The following SPATA6L variants were observed in gnomAD, a reference collection of about 807,000 sequenced individuals.
SPATA6L encodes spermatogenesis associated 6 like.
In SPATA6L, 68 loss-of-function variants were observed where a neutral mutation model predicts 49.2. The observed-to-expected ratio is 1.38, with a 90% CI of 1.14 to 1.69. The LOEUF is 1.69. SPATA6L is among the 40% of genes most tolerant of loss of function. The pLI is 0.00. For missense variants in SPATA6L, 668 were observed against 464.3 expected (o/e 1.44, Z -4.03); for synonymous variants, 198 against 165.7 (o/e 1.19, Z -1.50).
intron 3 of SPATA6L, among the ~76,000 whole-genome samples, chr9:4,647,506 T>C (rs1835683270): frequency 1.3e-5 from 2 of 152,062 alleles, no homozygotes; most frequent in Admixed American, 1.3e-4. Context: ...GCAGCAGAAT[T>C]GCTTGAACCT....
chr9:4,631,837 G>C (rs571742447), intron 4 of SPATA6L, among the ~76,000 whole-genome samples: 2 of 152,064 alleles, frequency 1.3e-5, no homozygotes, highest in Admixed American at 1.3e-4. Context: ...CCAGCACGAG[G>C]GTCCCTCTTC....
At chr9:4,612,206 C>G (rs970238986) in intron 9 of SPATA6L, among the ~76,000 whole-genome samples, 4 of 152,030 alleles carry the variant, frequency 2.6e-5, no homozygotes, top group Non-Finnish European at 4.4e-5. Context: ...AACTTTTGTA[C>G]TCAGTGATCC....
At chr9:4,597,678 A>C (rs1330203837), downstream of SPATA6L, among the ~76,000 whole-genome samples, 1 of 152,182 alleles carries the variant, frequency 6.6e-6, no homozygotes, top group African/African-American at 2.4e-5. Flanking sequence ...AAAGGAGCAA[A>C]GGGTTGGGGC....
At chr9:4,616,433 G>A (rs1828027082) in intron 9 of SPATA6L, among the ~76,000 whole-genome samples, 1 of 152,106 alleles carries the variant, frequency 6.6e-6, no homozygotes, top group East Asian at 1.9e-4. Flanking sequence ...TCCTCTACAA[G>A]TCTTTAAATC....
intron 3 of SPATA6L, among the ~76,000 whole-genome samples, chr9:4,652,062 G>T (rs1837009659): frequency 6.6e-6 from 1 of 152,166 alleles, no homozygotes; most frequent in Non-Finnish European, 1.5e-5. Context: ...TAAGGAATCA[G>T]CAAAAAACTA....
intron 3 of SPATA6L, among the ~76,000 whole-genome samples, chr9:4,641,068 G>A (rs1833927887): frequency 6.6e-6 from 1 of 152,126 alleles, no homozygotes; most frequent in African/African-American, 2.4e-5. Context: ...ATAGGTGTGT[G>A]TGTATATATG....
intron 8 of SPATA6L, 69 bp from the exon 9 acceptor site, chr9:4,618,179 G>T: frequency 4.3e-6 from 6 of 1,400,948 alleles, no homozygotes; most frequent in Non-Finnish European, 5.9e-6. Flanking sequence ...CTGGGGGTGG[G>T]GGTTGGACAA....
At chr9:4,606,179 A>G (rs1313752352) in intron 9 of SPATA6L, among the ~76,000 whole-genome samples, 4 of 151,438 alleles carry the variant, frequency 2.6e-5, no homozygotes, top group South Asian at 2.1e-4. Context: ...TTGCTAGCAC[A>G]GCAGTCTGAG....
chr9:4,622,278 G>A (rs1298632029), intron 7 of SPATA6L, 130 bp downstream of exon 7: 3 of 631,974 alleles, frequency 4.7e-6, no homozygotes, highest in Middle Eastern at 3.3e-4. Context: ...AAATTCCACA[G>A]CTGGAGAGTA....
At chr9:4,597,898 C>T (rs1031195880), downstream of SPATA6L, among the ~76,000 whole-genome samples, 6 of 152,180 alleles carry the variant, frequency 3.9e-5, no homozygotes, top group Admixed American at 3.9e-4. Flanking sequence ...GCCCAGCGGG[C>T]TCCTTTGATG....
At chr9:4,638,456 G>A (rs973587371) in intron 3 of SPATA6L, among the ~76,000 whole-genome samples, 10 of 152,106 alleles carry the variant, frequency 6.6e-5, no homozygotes, top group South Asian at 2.1e-4. Context: ...CAGGTGGTCC[G>A]CCTGCCTCAG....
intron 2 of SPATA6L, 137 bp downstream of exon 2, chr9:4,661,762 T>C (rs1402554227): frequency 1.7e-6 from 2 of 1,197,906 alleles, no homozygotes; most frequent in East Asian, 5.2e-5. Context: ...GACTGCGGTT[T>C]TGCATTGTGC....
At chr9:4,637,208 C>G (rs1216273455) in intron 3 of SPATA6L, among the ~76,000 whole-genome samples, 1 of 152,148 alleles carries the variant, frequency 6.6e-6, no homozygotes, top group Non-Finnish European at 1.5e-5. Flanking sequence ...ACGCCAAGCT[C>G]TCCTCCACAT....
intron 3 of SPATA6L, chr9:4,646,566 A>T: frequency 7.5e-7 from 1 of 1,333,574 alleles, no homozygotes; most frequent in Non-Finnish European, 1.0e-6. Flanking sequence ...ACTTCCAAAA[A>T]TTGCCACAGT....
In SPATA6L at chr9:4,600,329, C is replaced by A. The variant is rs1328240439; in HGVS notation, c.*482G>T. Among the ~76,000 whole-genome samples the A allele has an allele frequency of 6.6e-6, 1 of 152,104 alleles. No homozygotes were observed. Among genetic ancestry groups the A allele is most frequent in the African/African-American group, 2.4e-5 (1 of 41,404 alleles). On this transcript the variant is annotated 3_prime_UTR_variant, in exon 12 of 12. Transcript: ENST00000682582. ...GACTTCACGTAAATCAAGCCTAACACTAAGAAATAAACAAACAACAACAAA... is the reference window on the plus strand; with the variant it reads ...GACTTCACGTAAATCAAGCCTAACAATAAGAAATAAACAAACAACAACAAA...
At chr9:4,594,146 T>C (rs778614012), downstream of SPATA6L, among the ~76,000 whole-genome samples, 1 of 152,206 alleles carries the variant, frequency 6.6e-6, no homozygotes, top group Non-Finnish European at 1.5e-5. Flanking sequence ...ACTGAACTTA[T>C]CCAAAATCAA....
intron 3 of SPATA6L, among the ~76,000 whole-genome samples, chr9:4,636,961 A>G (rs1832929250): frequency 6.6e-6 from 1 of 152,024 alleles, no homozygotes; most frequent in Non-Finnish European, 1.5e-5. Flanking sequence ...ATTCTCCTGC[A>G]CTCAAATCCA....
intron 9 of SPATA6L, among the ~76,000 whole-genome samples, chr9:4,611,766 T>C (rs1396829024): frequency 6.6e-6 from 1 of 151,524 alleles, no homozygotes; most frequent in East Asian, 1.9e-4. Context: ...ACCTGCACAA[T>C]GTGCACATGT....
At chr9:4,590,413 C>A (rs933778433) in intron 13 of SPATA6L, among the ~76,000 whole-genome samples, 2 of 152,162 alleles carry the variant, frequency 1.3e-5, no homozygotes, top group African/African-American at 4.8e-5. Context: ...CTTACTAGGG[C>A]AAACCACTGT....
Sources: allele counts gnomAD v4.1 joint callset (sites outside exome capture counted in the v4.1 genomes callset), GRCh38; gene constraint gnomAD v4.1.1; transcripts MANE v1.5; gene names NCBI Gene and HGNC (gene_info 2026-07-23, HGNC 2026-07-21).